Variants in SCMH1 observed in about 807,000 individuals in gnomAD.
SCMH1 encodes the protein Scm polycomb group protein homolog 1.
In SCMH1, 37 loss-of-function variants were observed where a neutral mutation model predicts 70.8. That is an observed-to-expected ratio of 0.52 (90% CI 0.40 to 0.69). SCMH1 has a LOEUF of 0.69. Ranked by LOEUF, SCMH1 falls within the 30% of genes least tolerant of loss-of-function variation. The probability of loss-of-function intolerance (pLI) is 0.00; values close to 1 mark genes in which losing one functional copy is unlikely to be tolerated. For missense variants in SCMH1, 607 were observed against 827.3 expected, an observed-to-expected ratio of 0.73 and a Z score of 3.27; for synonymous variants, 292 against 307.4, an observed-to-expected ratio of 0.95 and a Z score of 0.52.
intron 1 of SCMH1, among the ~76,000 whole-genome samples, chr1:41,223,682 T>C (rs1659714582): frequency 6.6e-6 from 1 of 152,164 alleles, no homozygotes; most frequent in African/African-American, 2.4e-5. Flanking sequence ...TGCAAGCTAA[T>C]TTCCAGCGCC....
At chr1:41,156,485 C>G (rs994759828) in intron 4 of SCMH1, among the ~76,000 whole-genome samples, 4 of 152,108 alleles carry the variant, frequency 2.6e-5, no homozygotes, top group African/African-American at 9.7e-5. Flanking sequence ...CAGTGTCAGG[C>G]TGGAGTACAG....
intron 4 of SCMH1, among the ~76,000 whole-genome samples, chr1:41,157,082 T>A (rs1645623095): frequency 6.6e-6 from 1 of 150,930 alleles, no homozygotes. Flanking sequence ...GTCTCCAGAG[T>A]AGCCGGGACT....
rs561850008 is a variant in SCMH1 at position 41,033,973 on chromosome 1, C to A, written c.1678+3389G>T. The stretch of plus-strand genomic sequence containing the variant: ...GGGGAAGATAAAAATAACAGTAACT[C>A]CCCTCATACCTGGGGAACGATTTAG... On this transcript the variant is annotated intron_variant, in intron 13 of 14. Coordinates refer to ENST00000337495, the Ensembl canonical transcript of SCMH1. The A allele has an allele frequency of 1.9e-6, 3 of 1,613,994 alleles. No homozygotes were observed. Among genetic ancestry groups the A allele is most frequent in the South Asian group, 1.1e-5 (1 of 91,048 alleles).
intron 5 of SCMH1, among the ~76,000 whole-genome samples, chr1:41,143,954 G>A (rs1312287934): frequency 3.3e-5 from 5 of 152,240 alleles, no homozygotes; most frequent in Non-Finnish European, 5.9e-5. Context: ...CCATGCTGAC[G>A]GAGATTTGGT....
intron 1 of SCMH1, among the ~76,000 whole-genome samples, chr1:41,232,446 T>C (rs1030191755): frequency 1.5e-4 from 23 of 152,242 alleles, no homozygotes; most frequent in Non-Finnish European, 2.9e-4. Flanking sequence ...ACTAAAAATA[T>C]ATGTGTCAAT....
chr1:41,169,889 G>A (rs1646671547), intron 2 of SCMH1, among the ~76,000 whole-genome samples: 1 of 152,174 alleles, frequency 6.6e-6, no homozygotes, highest in African/African-American at 2.4e-5. Flanking sequence ...AGAGTTTTAG[G>A]ATGTAGACCC....
chr1:41,075,507 G>C, intron 8 of SCMH1, 56 bp from the exon 9 acceptor site: 3 of 1,476,950 alleles, frequency 2.0e-6, no homozygotes, highest in Non-Finnish European at 2.8e-6. Flanking sequence ...TCTCATCCCA[G>C]CCAGAAGAAA....
chr1:41,148,592 A>G (rs1209518769), intron 5 of SCMH1, among the ~76,000 whole-genome samples: 1 of 151,976 alleles, frequency 6.6e-6, no homozygotes, highest in African/African-American at 2.4e-5. Flanking sequence ...GTGCTTGCTT[A>G]TATTGTTTCT....
chr1:41,067,442 T>TCAACAA lies in SCMH1; in HGVS notation c.1105+3147_1105+3152dup, dbSNP rs1447911932. On this transcript the variant is annotated intron_variant, in intron 10 of 14. Transcript: ENST00000337495. Reference sequence around the variant, plus strand: ...CTGGGCGACAGAGCAAGACTCCATCTCAACAACAACAACAACAAAAAAAAA... The same window carrying TCAACAA: ...CTGGGCGACAGAGCAAGACTCCATCTCAACAACAACAACAACAACAACAAAAAAAAA... Among the ~76,000 whole-genome samples, 36 of 97,310 alleles carry TCAACAA rather than the reference T, an allele frequency of 3.7e-4. 1 individual carries two copies. The highest frequency in any genetic ancestry group is 1.1e-3 in the East Asian group (4 of 3,572). The allele number at this position is 97,310 out of a possible 152,430, so 63.8% of individuals were successfully genotyped here.
At chr1:41,028,080 G>T in exon 15 of SCMH1, 1 of 1,333,320 alleles carries the variant, frequency 7.5e-7, no homozygotes, top group Non-Finnish European at 1.1e-6. Context: ...GCCTCTTGGA[G>T]TCCTGAGGTG....
chr1:41,091,017 C>T (rs1048314930), intron 8 of SCMH1, among the ~76,000 whole-genome samples: 3 of 134,766 alleles, frequency 2.2e-5, no homozygotes, highest in Non-Finnish European at 4.6e-5. Flanking sequence ...CCGGCCTGGG[C>T]GAAAGAGCGA....
intron 6 of SCMH1, among the ~76,000 whole-genome samples, chr1:41,136,773 C>CTTTT (rs67410901): frequency 1.7e-4 from 18 of 108,430 alleles, no homozygotes; most frequent in Non-Finnish European, 2.1e-4. Context: ...AAGGACAGTA[C>CTTTT]TTTTTTTTTT....
At chr1:41,118,458 A>C (rs1183239783) in intron 6 of SCMH1, among the ~76,000 whole-genome samples, 1 of 152,196 alleles carries the variant, frequency 6.6e-6, no homozygotes, top group African/African-American at 2.4e-5. Flanking sequence ...CGATAAACCC[A>C]ATATATAAGT....
chr1:41,028,703 G>A lies in SCMH1; in HGVS notation c.1702C>T (p.Arg568Cys), dbSNP rs192535871. Residue 568 changes from arginine (R) to cysteine (C), a missense_variant, in exon 14 of 15, where the codon CGC becomes TGC. Physicochemically the swap from Arg to Cys is radical, Grantham distance 180. Transcript: ENST00000337495. Reference sequence around the variant, plus strand: ...CGGCCACTCAGTCGAGAGGCATCGCGGCTCTCCAGGTATCGGTCCGACCCT... The same window carrying A: ...CGGCCACTCAGTCGAGAGGCATCGCAGCTCTCCAGGTATCGGTCCGACCCT... 52 of 1,614,054 alleles carry A rather than the reference G, an allele frequency of 3.2e-5. No homozygotes were observed. In the East Asian group the frequency reaches 8.2e-4, roughly 26 times the overall value.
At chr1:41,127,933 T>C (rs1440241633) in intron 6 of SCMH1, among the ~76,000 whole-genome samples, 2 of 152,070 alleles carry the variant, frequency 1.3e-5, no homozygotes, top group Admixed American at 6.6e-5. Flanking sequence ...TCTTTAGAAC[T>C]GTGAGAAAAA....
intron 8 of SCMH1, among the ~76,000 whole-genome samples, chr1:41,085,517 G>A (rs1004661366): frequency 6.6e-6 from 1 of 152,102 alleles, no homozygotes; most frequent in Non-Finnish European, 1.5e-5. Flanking sequence ...ATTAACCAAA[G>A]TATTAAAGAT....
chr1:41,219,928 C>T (rs1422527011), intron 1 of SCMH1, among the ~76,000 whole-genome samples: 2 of 145,898 alleles, frequency 1.4e-5, no homozygotes, highest in Non-Finnish European at 3.0e-5. Flanking sequence ...AAGACTCCGT[C>T]TCACAAAAAA....
At chr1:41,189,152 T>C (rs1472857120) in intron 1 of SCMH1, among the ~76,000 whole-genome samples, 2 of 152,188 alleles carry the variant, frequency 1.3e-5, no homozygotes, top group Non-Finnish European at 2.9e-5. Context: ...TTTGTTGTTG[T>C]TGTTACTTTG....
chr1:41,046,729 CCTCCCTCCCTCCCTTTAA>C, intron 11 of SCMH1, 131 bp from the exon 12 acceptor site: 2 of 686,448 alleles, frequency 2.9e-6, no homozygotes, highest in Non-Finnish European at 5.1e-6. Flanking sequence ...CCCCACGTTT[CCTCCCTCCCTCCCTTTAA>C]CTCCCTCCCT....
Sources: allele counts gnomAD v4.1 joint callset (sites outside exome capture counted in the v4.1 genomes callset), GRCh38; gene constraint gnomAD v4.1.1; transcripts MANE v1.5; gene names NCBI Gene and HGNC (gene_info 2026-07-23, HGNC 2026-07-21).